Variants in MARK3 observed in about 807,000 individuals in gnomAD.
The protein encoded by MARK3 is MAP/microtubule affinity-regulating kinase 3.
MARK3 carries 46 observed loss-of-function variants against 90.1 expected under a neutral mutation model. The observed-to-expected ratio is 0.51, with a 90% confidence interval of 0.40 to 0.65. The LOEUF (loss-of-function observed/expected upper bound fraction) is 0.65, where lower values mean the gene tolerates loss of function less well. MARK3 is among the 30% of genes least tolerant of loss of function. MARK3 has a pLI of 0.00. For missense variants in MARK3, 818 were observed against 947.2 expected, an observed-to-expected ratio of 0.86 and a Z score of 1.79; for synonymous variants, 321 against 332.6, an observed-to-expected ratio of 0.97 and a Z score of 0.38.
intron 3 of MARK3, among the ~76,000 whole-genome samples, chr14:103,433,463 G>A (rs1030257371): frequency 3.9e-5 from 6 of 152,096 alleles, no homozygotes; most frequent in Middle Eastern, 3.2e-3. Flanking sequence ...GGAGGCCGAG[G>A]CGGGTGGATC....
intron 6 of MARK3, among the ~76,000 whole-genome samples, chr14:103,457,474 T>A (rs1272038978): frequency 6.6e-6 from 1 of 152,162 alleles, no homozygotes; most frequent in Non-Finnish European, 1.5e-5. Flanking sequence ...GCCTTAAAAA[T>A]CTAGAGCCTT....
At chr14:103,450,193 A>G (rs1262616751) in intron 4 of MARK3, among the ~76,000 whole-genome samples, 1 of 152,206 alleles carries the variant, frequency 6.6e-6, no homozygotes, top group Non-Finnish European at 1.5e-5. Flanking sequence ...TGAAGAAAAA[A>G]CCACGGAACA....
rs528430848 is a variant in MARK3 at position 103,503,454 on chromosome 14, A to C, written c.*227A>C. ...CCCCTGCCCTACTTCCGTTACCCTG[A>C]GAGTCGGTGTGTGGCCCCATCTCCA... is the stretch of plus-strand genomic sequence containing the variant. On this transcript the variant is annotated 3_prime_UTR_variant, in exon 18 of 18. Coordinates refer to ENST00000429436, the MANE Select transcript of MARK3 (RefSeq NM_001128918.3). The C allele has an allele frequency of 9.2e-6, 5 of 543,462 alleles. No individual in the cohort carries two copies. The South Asian group carries it at 1.2e-4, about 13-fold the overall frequency. The allele number at this position is 543,462 out of a possible 1,614,324, so 33.7% of individuals were successfully genotyped here.
intron 14 of MARK3, among the ~76,000 whole-genome samples, chr14:103,487,330 T>A (rs561810847): frequency 8.6e-5 from 13 of 150,508 alleles, no homozygotes; most frequent in Admixed American, 1.3e-4. Context: ...TCTACAAAAT[T>A]TTTTTTTTTA....
intron 3 of MARK3, among the ~76,000 whole-genome samples, chr14:103,430,529 T>G (rs904832989): frequency 9.9e-5 from 15 of 152,162 alleles, no homozygotes; most frequent in African/African-American, 3.4e-4. Context: ...GATAGTGATT[T>G]AAAGCTGTGG....
chr14:103,398,488 C>A (rs926918055), intron 1 of MARK3, among the ~76,000 whole-genome samples: 2 of 152,078 alleles, frequency 1.3e-5, no homozygotes, highest in African/African-American at 4.8e-5. Context: ...TGATTTTTAT[C>A]AAATCAAGGA....
At chr14:103,390,066 G>T (rs993624500) in intron 1 of MARK3, among the ~76,000 whole-genome samples, 5 of 151,608 alleles carry the variant, frequency 3.3e-5, no homozygotes, top group Non-Finnish European at 5.9e-5. Context: ...GGCTAACACG[G>T]TGAAACCCTG....
chr14:103,477,422 A>T (rs184574970), intron 13 of MARK3, among the ~76,000 whole-genome samples: 6 of 151,922 alleles, frequency 3.9e-5, no homozygotes, highest in Non-Finnish European at 8.8e-5. Flanking sequence ...AACCGAGAAG[A>T]TGGAGGTTGC....
intron 12 of MARK3, among the ~76,000 whole-genome samples, chr14:103,471,294 CT>C (rs566688626): frequency 3.3e-5 from 5 of 152,216 alleles, no homozygotes; most frequent in Admixed American, 1.3e-4. Flanking sequence ...TTATTAGTGC[CT>C]TTTTCCCCCC....
chr14:103,473,907 A>G (rs1051993673), intron 12 of MARK3, among the ~76,000 whole-genome samples: 6 of 152,034 alleles, frequency 3.9e-5, no homozygotes, highest in African/African-American at 1.2e-4. Context: ...TCTGCCTTAG[A>G]AAAAACAGGC....
At chr14:103,424,603 G>C (rs1010292556) in intron 2 of MARK3, among the ~76,000 whole-genome samples, 1 of 151,760 alleles carries the variant, frequency 6.6e-6, no homozygotes, top group Non-Finnish European at 1.5e-5. Flanking sequence ...TAGTGATTAA[G>C]AGTCCAGGTG....
chr14:103,459,673 A>ATT (rs67953960), intron 6 of MARK3, among the ~76,000 whole-genome samples: 110 of 147,704 alleles, frequency 7.4e-4, no homozygotes, highest in Middle Eastern at 3.5e-3. Flanking sequence ...CTAATTTTTT[A>ATT]TTTTTTTTTT....
At chr14:103,486,241 C>T (rs1264502311) in intron 14 of MARK3, among the ~76,000 whole-genome samples, 3 of 152,122 alleles carry the variant, frequency 2.0e-5, no homozygotes, top group African/African-American at 7.2e-5. Context: ...GAGTTCAAGA[C>T]CAGCCTGGCC....
At chr14:103,491,443 T>C (rs1284908961) in intron 14 of MARK3, 20 of 258,460 alleles carry the variant, frequency 7.7e-5, no homozygotes, top group Non-Finnish European at 1.5e-4. Context: ...TCTTTCGTAT[T>C]GGCACAGTTC....
chr14:103,467,957 A>C (rs2093546988), intron 11 of MARK3, 76 bp from the exon 12 acceptor site: 2 of 1,434,528 alleles, frequency 1.4e-6, no homozygotes, highest in Non-Finnish European at 1.9e-6. Context: ...GGTCTGTGTT[A>C]ATGAAAAGTT....
At chr14:103,490,917 G>C (rs1566936010) in intron 14 of MARK3, 2 of 1,244,072 alleles carry the variant, frequency 1.6e-6, no homozygotes, top group South Asian at 2.6e-5. Flanking sequence ...TTCATACTGT[G>C]TTTCTGCCTC....
In MARK3 at chr14:103,451,928, C is replaced by T. The variant is rs370291346; in HGVS notation, c.357C>T (p.Phe119=). The T allele has an allele frequency of 1.6e-5, 26 of 1,611,122 alleles. No homozygotes were observed. The highest frequency in any genetic ancestry group is 1.6e-4 in the African/African-American group (12 of 74,904). ...TCTCCTCTCCCGCAGTGAAGTTATT[C>T]GAAGTCATTGAAACTGAAAAAACAC... ...ILNHPNIVKL[F]EVIETEKTLY... The change falls in exon 5 of 18, where the codon TTC becomes TTT. Residue 119 remains phenylalanine (F), a synonymous_variant. Transcript: ENST00000429436.
chr14:103,502,703 G>T (rs527773907), intron 17 of MARK3, among the ~76,000 whole-genome samples, 179 bp from the exon 18 acceptor site: 35 of 152,306 alleles, frequency 2.3e-4, no homozygotes, highest in Admixed American at 2.0e-3. Flanking sequence ...TGACTTTTAG[G>T]GGGTGAGGGA....
chr14:103,474,323 G>A (rs2093679880), intron 12 of MARK3, among the ~76,000 whole-genome samples: 1 of 152,194 alleles, frequency 6.6e-6, no homozygotes, highest in South Asian at 2.1e-4. Context: ...TGAATCTCCT[G>A]TGCTGCTATT....
Sources: gnomAD v4.1 joint callset for allele counts (sites outside exome capture counted in the v4.1 genomes callset) on GRCh38, gnomAD v4.1.1 for gene constraint, MANE v1.5 for transcripts, NCBI Gene and HGNC (gene_info 2026-07-23, HGNC 2026-07-21) for gene names.